SYTL2: variants seen among roughly 807,000 people sequenced by gnomAD.
SYTL2 encodes the protein synaptotagmin like 2, also known as synaptotagmin-like protein 2.
A neutral mutation model predicts 198.7 loss-of-function variants in SYTL2; 165 were observed. The ratio of observed to expected loss-of-function variants is 0.83; its 90% CI spans 0.73 to 0.94. The LOEUF is 0.94. Among genes scored for constraint, SYTL2 ranks in the 40% least tolerant of loss-of-function variants. SYTL2 has a pLI of 0.00. For missense variants in SYTL2, 2,835 were observed against 2,582.8 expected (o/e 1.10, Z -2.12); for synonymous variants, 966 against 917.7 (o/e 1.05, Z -0.95).
At chr11:85,844,860 G>A in the SYTL2 span, among the ~76,000 whole-genome samples, 1 of 152,072 alleles carries the variant, frequency 6.6e-6, no homozygotes, top group East Asian at 1.9e-4. Flanking sequence ...GTAATCTTCT[G>A]TATGGCTCAG....
chr11:85,758,469 A>G (rs2091979500), intron 1 of SYTL2, among the ~76,000 whole-genome samples: 1 of 152,228 alleles, frequency 6.6e-6, no homozygotes, highest in Admixed American at 6.5e-5. Context: ...GTGGTCAAGC[A>G]AGAATCTAGA....
chr11:85,749,759 C>CAACT (rs2091399459), intron 2 of SYTL2, among the ~76,000 whole-genome samples: 1 of 152,204 alleles, frequency 6.6e-6, no homozygotes, highest in African/African-American at 2.4e-5. Flanking sequence ...GCAGAGCAAA[C>CAACT]AACTGCTGGA....
At chr11:85,839,112 G>A in the SYTL2 span, among the ~76,000 whole-genome samples, 1 of 152,188 alleles carries the variant, frequency 6.6e-6, no homozygotes, top group African/African-American at 2.4e-5. Flanking sequence ...GTACATGGGG[G>A]ATATTCATGA....
At chr11:85,702,617 C>G (rs1297923691) in intron 16 of SYTL2, among the ~76,000 whole-genome samples, 1 of 152,126 alleles carries the variant, frequency 6.6e-6, no homozygotes, top group African/African-American at 2.4e-5. Flanking sequence ...AAAACTAGAC[C>G]AGATCACATG....
intron 3 of SYTL2, among the ~76,000 whole-genome samples, chr11:85,747,443 T>C (rs2091231190): frequency 1.3e-5 from 2 of 152,188 alleles, no homozygotes; most frequent in African/African-American, 4.8e-5. Flanking sequence ...GTCATGATAG[T>C]ATAAATCCCA....
the SYTL2 span, among the ~76,000 whole-genome samples, chr11:85,832,359 T>A: frequency 1.3e-5 from 2 of 152,354 alleles, no homozygotes; most frequent in East Asian, 3.9e-4. Context: ...AGCTAGGAAC[T>A]AAGTTTGTTC....
At chr11:85,852,095 C>G in the SYTL2 span, among the ~76,000 whole-genome samples, 1 of 152,160 alleles carries the variant, frequency 6.6e-6, no homozygotes, top group Admixed American at 6.5e-5. Context: ...CCAAAAGCTG[C>G]TTAATATTTT....
chr11:85,725,635 A>T lies in SYTL2; in HGVS notation c.3723T>A (p.Ser1241=). ...CAAAAAATCTCCCCTCTTCCAGCTT[A>T]GAGTTGGTTCCAGTGATAACAGGCG... ...KLAPVITGTN[S]KLEEGRFFGK... Residue 1241 remains serine (S), a synonymous_variant, in exon 8 of 20, where the codon TCT becomes TCA. Coordinates refer to ENST00000359152, the MANE Select transcript of SYTL2 (RefSeq NM_206927.4). 6.2e-7 allele frequency: 1 copy of T among 1,614,140 alleles called. No homozygotes were observed.
rs1189461570 is a variant in SYTL2 at position 85,722,381 on chromosome 11, A to G, written c.5327-1422T>C. On this transcript the variant is annotated intron_variant, in intron 8 of 19. Transcript: ENST00000359152. ...AGTAGAGATGGGGTTTCACCATGTTAGCCAGGATGGTCTCGATATCCTCAC... is the reference window on the plus strand; with the variant it reads ...AGTAGAGATGGGGTTTCACCATGTTGGCCAGGATGGTCTCGATATCCTCAC... 3.9e-5 allele frequency among the ~76,000 whole-genome samples: 6 copies of G among 151,904 alleles called. No individual in the cohort carries two copies. The East Asian group carries it at 5.8e-4, about 15-fold the overall frequency.
Position 85,725,048 on chromosome 11 carries a change from T to A in SYTL2, c.4310A>T (p.Asn1437Ile), listed in dbSNP as rs374652361. Residue 1437 changes from asparagine to isoleucine, a missense_variant, in exon 8 of 20, where the codon AAT (asparagine) becomes ATT (isoleucine). Coordinates refer to ENST00000359152, the MANE Select transcript of SYTL2 (RefSeq NM_206927.4). ...VPDRKDFYSSNVVPDKTHEVG... is the reference protein window; with the variant it reads ...VPDRKDFYSSIVVPDKTHEVG... The stretch of plus-strand genomic sequence containing the variant: ...TTCATGAGTTTTATCAGGAACTACA[T>A]TGGAGGAATAAAAATCCTTCCTGTC... 92 of 1,614,084 alleles carry A rather than the reference T, an allele frequency of 5.7e-5. 1 individual carries two copies. In the Admixed American group the frequency reaches 1.4e-3, roughly 25 times the overall value.
intron 3 of SYTL2, among the ~76,000 whole-genome samples, chr11:85,746,529 A>G (rs1275605059): frequency 6.6e-6 from 1 of 152,198 alleles, no homozygotes; most frequent in African/African-American, 2.4e-5. Context: ...AAAACTGAGG[A>G]TCAAAAAGTT....
the SYTL2 span, chr11:85,852,559 TG>T: frequency 6.2e-6 from 1 of 162,286 alleles, no homozygotes; most frequent in Non-Finnish European, 1.3e-5. Context: ...TTTTTTTTGG[TG>T]GAGACGGGGT....
At chr11:85,834,527 C>G in the SYTL2 span, among the ~76,000 whole-genome samples, 15 of 152,088 alleles carry the variant, frequency 9.9e-5, no homozygotes, top group African/African-American at 3.4e-4. Flanking sequence ...TAATATCTAT[C>G]TTATAATTTT....
At chr11:85,814,031 G>A (rs2093058637), upstream of SYTL2, among the ~76,000 whole-genome samples, 2 of 152,152 alleles carry the variant, frequency 1.3e-5, no homozygotes, top group South Asian at 2.1e-4. Context: ...TTCTGTTAGC[G>A]ATTGTTCTTC....
At chr11:85,794,128 C>A (rs1296527546) in intron 1 of SYTL2, among the ~76,000 whole-genome samples, 2 of 152,092 alleles carry the variant, frequency 1.3e-5, no homozygotes, top group African/African-American at 2.4e-5. Context: ...CCTCAGCCTC[C>A]CAAAGTGCCA....
chr11:85,755,012 A>G (rs1185260547), intron 2 of SYTL2, among the ~76,000 whole-genome samples: 1 of 152,160 alleles, frequency 6.6e-6, no homozygotes, highest in Non-Finnish European at 1.5e-5. Context: ...AATGACTGAT[A>G]TGGAACAACA....
At chr11:85,744,526 G>A (rs987645061) in intron 4 of SYTL2, among the ~76,000 whole-genome samples, 5 of 151,924 alleles carry the variant, frequency 3.3e-5, no homozygotes, top group Non-Finnish European at 7.4e-5. Context: ...ATAAATAAAG[G>A]GTACCCTTAG....
the SYTL2 span, among the ~76,000 whole-genome samples, chr11:85,831,384 T>A: frequency 1.3e-5 from 2 of 151,956 alleles, no homozygotes; most frequent in Non-Finnish European, 2.9e-5. Flanking sequence ...AGGAGTGGAG[T>A]TTCAGCAGTG....
chr11:85,750,092 T>C (rs765285109), intron 2 of SYTL2, among the ~76,000 whole-genome samples: 1 of 152,142 alleles, frequency 6.6e-6, no homozygotes, highest in East Asian at 1.9e-4. Context: ...CCTCTGTAGA[T>C]GACAGAGGCA....
Sources: gnomAD v4.1 joint callset for allele counts (sites outside exome capture counted in the v4.1 genomes callset) on GRCh38, gnomAD v4.1.1 for gene constraint, MANE v1.5 for transcripts, NCBI Gene and HGNC (gene_info 2026-07-23, HGNC 2026-07-21) for gene names.